The following PROX2 variants were observed in gnomAD, a reference collection of about 807,000 sequenced individuals.
PROX2 encodes the protein prospero homeobox protein 2.
In PROX2, 46 loss-of-function variants were observed where a neutral mutation model predicts 48.9. That is an observed-to-expected ratio of 0.94 (90% confidence interval 0.74 to 1.20). The LOEUF (loss-of-function observed/expected upper bound fraction) is 1.20, where lower values mean the gene tolerates loss of function less well. Among genes scored for constraint, PROX2 ranks in the 50% most tolerant of loss-of-function variants. The pLI, the probability that PROX2 is intolerant of heterozygous loss-of-function variation, is 0.00. For missense variants in PROX2, 663 were observed against 719.4 expected (o/e 0.92, Z 0.90); for synonymous variants, 260 against 276.6 (o/e 0.94, Z 0.60).
chr14:74,856,743 C>G (rs564557774), intron 5 of PROX2, 58 bp downstream of exon 5: 5 of 1,468,192 alleles, frequency 3.4e-6, no homozygotes, highest in Non-Finnish European at 4.7e-6. Context: ...TCCTAAAACT[C>G]GAATCATATA....
chr14:74,863,698 G>C lies in PROX2; in HGVS notation c.137C>G (p.Pro46Arg), dbSNP rs765862135. 1.3e-6 allele frequency: 2 copies of C among 1,536,326 alleles called. No homozygotes were observed. The highest frequency in any genetic ancestry group is 2.8e-5 in the African/African-American group (2 of 72,394). ...TTCGGGGTCTGTAGGGCTGGAGCTG[G>C]GGACCTGACTCCAGGGAAACGGGGA... is the stretch of plus-strand genomic sequence containing the variant. ...RDSPFPWSQV[P>R]SSSPTDPEWF... Residue 46 changes from proline to arginine, a missense_variant, in exon 3 of 6, where the codon CCC becomes CGC. Coordinates refer to ENST00000556489, the MANE Select transcript of PROX2 (RefSeq NM_001243007.2).
At chr14:74,857,052 G>GA (rs2091749539) in intron 4 of PROX2, 57 bp from the exon 5 acceptor site, 9 of 1,448,634 alleles carry the variant, frequency 6.2e-6, no homozygotes, top group Non-Finnish European at 4.8e-6. Flanking sequence ...CTCAGAATTA[G>GA]AACTGTCTGC....
At position 74,862,896 on chromosome 14, in the gene PROX2, C is replaced by A. The variant is rs1468949828; in HGVS notation, c.939G>T (p.Arg313Ser). ...GGGTCATTCTTGGAGGGATAGGGTA[C>A]CTAGGAGAATCTAGACGCTTGGCCA... is the stretch of plus-strand genomic sequence containing the variant. Reference protein sequence around the residue: ...LSLAKRLDSPRYPIPPRMTPK... With the variant: ...LSLAKRLDSPSYPIPPRMTPK... The change falls in exon 3 of 6, where the codon AGG becomes AGT. Residue 313 changes from arginine (R) to serine (S), a missense_variant. Coordinates refer to ENST00000556489, the MANE Select transcript of PROX2 (RefSeq NM_001243007.2). 6.2e-7 allele frequency: 1 copy of A among 1,613,798 alleles called. No homozygotes were observed. Among genetic ancestry groups the A allele is most frequent in the African/African-American group, 1.3e-5 (1 of 75,012 alleles).
At chr14:74,861,977 T>C (rs1400056290) in intron 3 of PROX2, among the ~76,000 whole-genome samples, 1 of 152,218 alleles carries the variant, frequency 6.6e-6, no homozygotes, top group African/African-American at 2.4e-5. Flanking sequence ...AGAAGCCTAT[T>C]TGAGTCTCAA....
At chr14:74,867,617 G>C (rs1375350553) in intron 2 of PROX2, among the ~76,000 whole-genome samples, 3 of 152,166 alleles carry the variant, frequency 2.0e-5, no homozygotes, top group African/African-American at 7.2e-5. Context: ...CTTTATTTCA[G>C]ATCTCTCTAG....
chr14:74,853,502 G>T lies in PROX2; in HGVS notation c.*1630C>A, dbSNP rs2091720044. 1.3e-5 allele frequency: 2 copies of T among 152,326 alleles called. No individual in the cohort carries two copies. The highest frequency in any genetic ancestry group is 1.3e-4 in the Admixed American group (2 of 15,302). 9.4% of individuals were successfully genotyped at this position (152,326 alleles called of 1,614,324 possible). ...CTTAACCTTTAGCCTGTAAAGATGG[G>T]TTTGGGCTAAGTCTGTTTTGTTTTT... On this transcript the variant is annotated 3_prime_UTR_variant, in exon 6 of 6. Transcript: ENST00000556489.
At chr14:74,870,441 T>TACACACACACACACACACACAC (rs10525556) in intron 2 of PROX2, among the ~76,000 whole-genome samples, 2,627 of 110,760 alleles carry the variant, frequency 0.024, 103 homozygotes, top group African/African-American at 0.036. Flanking sequence ...AAAAAAAAAA[T>TACACACACACACACACACACAC]ACACACACAC....
chr14:74,874,333 A>G (rs1349292479), intron 1 of PROX2: 1 of 249,946 alleles, frequency 4.0e-6, no homozygotes, highest in Non-Finnish European at 7.7e-6. Context: ...GCTCACTGCA[A>G]CCTCTGCCTC....
intron 4 of PROX2, chr14:74,857,762 T>G (rs1168932286): frequency 2.1e-5 from 3 of 142,786 alleles, no homozygotes; most frequent in African/African-American, 7.8e-5. Flanking sequence ...TTGTTTGTTT[T>G]TGTGTGTTTT....
At chr14:74,873,687 A>G (rs1883271005) in intron 1 of PROX2, 1 of 374,746 alleles carries the variant, frequency 2.7e-6, no homozygotes, top group South Asian at 2.5e-5. Context: ...AAACAAAATG[A>G]AGGAATTAAG....
In PROX2 at chr14:74,856,858, G is replaced by A; in HGVS notation, c.1551C>T (p.Arg517=). The change falls in exon 5 of 6, where the codon CGC becomes CGT. Residue 517 remains arginine (R), a synonymous_variant. Coordinates refer to ENST00000556489, the MANE Select transcript of PROX2 (RefSeq NM_001243007.2). ...VTNPKMLVVL[R]NSELFQALNM... Reference sequence around the variant, plus strand: ...TGAGAGCTTGAAAAAGTTCTGAATTGCGGAGAACCACCAGCATTTTGGGAT... The same window carrying A: ...TGAGAGCTTGAAAAAGTTCTGAATTACGGAGAACCACCAGCATTTTGGGAT... 6.2e-7 allele frequency: 1 copy of A among 1,613,988 alleles called. No individual in the cohort carries two copies. The highest frequency in any genetic ancestry group is 1.1e-5 in the South Asian group (1 of 91,086).
chr14:74,862,916 T>G lies in PROX2; in HGVS notation c.919A>C (p.Lys307Gln). 1.2e-6 allele frequency: 2 copies of G among 1,613,918 alleles called. No individual in the cohort carries two copies. Among genetic ancestry groups the G allele is most frequent in the Non-Finnish European group, 1.7e-6 (2 of 1,179,842 alleles). Reference sequence around the variant, plus strand: ...GGGTACCTAGGAGAATCTAGACGCTTGGCCAGTGATAAATTTCCTACTGGG... The same window carrying G: ...GGGTACCTAGGAGAATCTAGACGCTGGGCCAGTGATAAATTTCCTACTGGG... ...GVPVGNLSLA[K>Q]RLDSPRYPIP... Residue 307 changes from lysine (K) to glutamine (Q), a missense_variant, in exon 3 of 6, where the codon AAG becomes CAG. By Grantham distance (53) the Lys-to-Gln change is moderately conservative. Transcript: ENST00000556489.
chr14:74,861,276 C>A, intron 3 of PROX2: 1 of 1,307,862 alleles, frequency 7.6e-7, no homozygotes, highest in Non-Finnish European at 1.0e-6. Flanking sequence ...ACACAAGAAG[C>A]AGCAGCGTGA....
chr14:74,871,690 C>T lies in PROX2; in HGVS notation c.-309-453G>A, dbSNP rs113615203. ...TTGGGAGGCTGAGGTGGGAGGACCTCGAACCCAGGAGGTCGAGGCTATAGT... is the reference window on the plus strand; with the variant it reads ...TTGGGAGGCTGAGGTGGGAGGACCTTGAACCCAGGAGGTCGAGGCTATAGT... On this transcript the variant is annotated intron_variant, in intron 1 of 5. Transcript: ENST00000556489. 878 of 152,248 alleles carry T rather than the reference C, an allele frequency of 5.8e-3. 10 individuals carry two copies. Among genetic ancestry groups the T allele is most frequent in the Non-Finnish European group, 9.4e-3 (641 of 68,062 alleles). 9.4% of individuals were successfully genotyped at this position (152,248 alleles called of 1,614,324 possible). A position where few individuals can be genotyped will look rare whatever the true frequency, so the allele number is the denominator to read the frequency against.
Position 74,875,882 on chromosome 14 carries a change from T to C in PROX2, c.-310+13A>G, listed in dbSNP as rs1883331245. On this transcript the variant is annotated intron_variant, in intron 1 of 5. Coordinates refer to ENST00000556489, the MANE Select transcript of PROX2 (RefSeq NM_001243007.2). Reference sequence around the variant, plus strand: ...ACTCTGGCAAGGTAAATGGAAAGGATGATGTTACTCACAGGGAAGAGGTCC... The same window carrying C: ...ACTCTGGCAAGGTAAATGGAAAGGACGATGTTACTCACAGGGAAGAGGTCC... Among the ~76,000 whole-genome samples the C allele has an allele frequency of 6.6e-6, 1 of 152,254 alleles. No individual in the cohort carries two copies. Among genetic ancestry groups the C allele is most frequent in the African/African-American group, 2.4e-5 (1 of 41,472 alleles).
rs2091719928 is a variant in PROX2, at chr14:74,853,486, TAGCCTGTAAAGA to T, written c.*1634_*1645del. ...GATGTACTGGAGGGCACTTAACCTT[TAGCCTGTAAAGA>T]TGGGTTTGGGCTAAGTCTGTTTTGT... On this transcript the variant is annotated 3_prime_UTR_variant, in exon 6 of 6. Coordinates refer to ENST00000556489, the MANE Select transcript of PROX2 (RefSeq NM_001243007.2). 1 of 152,240 alleles carries T rather than the reference TAGCCTGTAAAGA, an allele frequency of 6.6e-6. No homozygotes were observed. Among genetic ancestry groups the T allele is most frequent in the Admixed American group, 6.5e-5 (1 of 15,284 alleles). The allele number at this position is 152,240 out of a possible 1,614,324, so 9.4% of individuals were successfully genotyped here.
At chr14:74,868,314 TATATATATATATA>T (rs1883118819) in intron 2 of PROX2, among the ~76,000 whole-genome samples, 1 of 1,784 alleles carries the variant, frequency 5.6e-4, no homozygotes, top group African/African-American at 3.6e-3. Context: ...TTCTCGTAAT[TATATATATATATA>T]TATATATATA....
Position 74,860,521 on chromosome 14 carries a change from A to G in PROX2, c.1306-2007T>C, listed in dbSNP as rs138238547. 8.5e-3 allele frequency among the ~76,000 whole-genome samples: 1,300 copies of G among 152,114 alleles called. 14 individuals carry two copies. Among genetic ancestry groups the G allele is most frequent in the South Asian group, 0.039 (186 of 4,802 alleles). On this transcript the variant is annotated intron_variant, in intron 3 of 5. Transcript: ENST00000556489. Reference sequence around the variant, plus strand: ...CTGCCACCGAGAAGGTGTTCTGTCAATGCTCCCCTCGTGATCTTCACATCT... The same window carrying G: ...CTGCCACCGAGAAGGTGTTCTGTCAGTGCTCCCCTCGTGATCTTCACATCT...
At position 74,863,188 on chromosome 14, in the gene PROX2, G is replaced by A. The variant is rs192730740; in HGVS notation, c.647C>T (p.Pro216Leu). 760 of 1,614,042 alleles carry A rather than the reference G, an allele frequency of 4.7e-4. 1 individual carries two copies. The highest frequency in any genetic ancestry group is 6.2e-4 in the Non-Finnish European group (732 of 1,179,892). ...CTCTAGTGAAGCTGGTGCTCCAGAA[G>A]GAAGGAAACTGGGCTTCTCAGACTC... ...HQESEKPSFLPSGAPASLEIL... is the reference protein window; with the variant it reads ...HQESEKPSFLLSGAPASLEIL... Residue 216 changes from proline (P) to leucine (L), a missense_variant, in exon 3 of 6, where the codon CCT (proline) becomes CTT (leucine). Physicochemically the swap from Pro to Leu is moderately conservative, Grantham distance 98. Coordinates refer to ENST00000556489, the MANE Select transcript of PROX2 (RefSeq NM_001243007.2).
Sources: allele counts gnomAD v4.1 joint callset (sites outside exome capture counted in the v4.1 genomes callset), GRCh38; gene constraint gnomAD v4.1.1; transcripts MANE v1.5; gene names NCBI Gene and HGNC (gene_info 2026-07-23, HGNC 2026-07-21).